Variants in CNOT6L observed in about 807,000 individuals in gnomAD.
The protein encoded by CNOT6L is CCR4-NOT transcription complex subunit 6 like.
In CNOT6L, 7 loss-of-function variants were observed where a neutral mutation model predicts 64.0. The ratio of observed to expected loss-of-function variants is 0.11; its 90% CI spans 0.06 to 0.21. The LOEUF is 0.21. CNOT6L is among the 10% of genes least tolerant of loss of function. The pLI is 1.00. For missense variants in CNOT6L, 245 were observed against 669.0 expected, an observed-to-expected ratio of 0.37 and a Z score of 6.99; for synonymous variants, 193 against 243.4, an observed-to-expected ratio of 0.79 and a Z score of 1.93.
At chr4:77,729,678 T>C (rs1722227037) in intron 9 of CNOT6L, among the ~76,000 whole-genome samples, 2 of 152,250 alleles carry the variant, frequency 1.3e-5, no homozygotes, top group East Asian at 1.9e-4. Flanking sequence ...AATTATTTTA[T>C]GTAGTTTTGG....
upstream of CNOT6L, chr4:77,819,426 C>G (rs1734047165): frequency 1.9e-6 from 3 of 1,591,868 alleles, no homozygotes; most frequent in East Asian, 6.8e-5. Context: ...TCCAGAGCCG[C>G]GGCCGCAGAC....
chr4:77,819,375 ACGCGCGCGCGCG>A (rs747058020), upstream of CNOT6L: 1 of 1,569,374 alleles, frequency 6.4e-7, no homozygotes, highest in Non-Finnish European at 8.7e-7. Flanking sequence ...ACACACAAAC[ACGCGCGCGCGCG>A]CGCACCAGGC....
chr4:77,726,420 A>AT, intron 10 of CNOT6L, 51 bp from the exon 11 acceptor site: 9 of 1,409,358 alleles, frequency 6.4e-6, no homozygotes, highest in Non-Finnish European at 8.8e-6. Flanking sequence ...ACCTTACACA[A>AT]GGCTTCACAG....
At chr4:77,800,048 A>G (rs1187848912) in intron 1 of CNOT6L, among the ~76,000 whole-genome samples, 1 of 144,928 alleles carries the variant, frequency 6.9e-6, no homozygotes, top group African/African-American at 2.6e-5. Context: ...CATAAAACTA[A>G]GCATGTTATA....
chr4:77,789,577 T>C (rs969367353), intron 1 of CNOT6L, among the ~76,000 whole-genome samples: 1 of 151,282 alleles, frequency 6.6e-6, no homozygotes, highest in Non-Finnish European at 1.5e-5. Flanking sequence ...GGAAGATTCC[T>C]TGAGCCCAGG....
Position 77,714,846 on chromosome 4 carries a change from ATACTGCATCACT to A in CNOT6L, c.*5573_*5584del, listed in dbSNP as rs1720576334. ...AGTTTCTAAGTAAATACAGACCCAGATACTGCATCACTTACTGCATCAAGATTGAAACAAGCA... is the reference window on the plus strand; with the variant it reads ...AGTTTCTAAGTAAATACAGACCCAGATACTGCATCAAGATTGAAACAAGCA... On this transcript the variant is annotated 3_prime_UTR_variant, in exon 12 of 12. Coordinates refer to ENST00000504123, the MANE Select transcript of CNOT6L (RefSeq NM_144571.3). 2 of 152,586 alleles carry A rather than the reference ATACTGCATCACT, an allele frequency of 1.3e-5. No homozygotes were observed. Among genetic ancestry groups the A allele is most frequent in the Admixed American group, 6.6e-5 (1 of 15,256 alleles). 9.5% of individuals were successfully genotyped at this position (152,586 alleles called of 1,614,324 possible).
chr4:77,775,819 A>G (rs754248666), intron 2 of CNOT6L, among the ~76,000 whole-genome samples: 21 of 152,296 alleles, frequency 1.4e-4, no homozygotes, highest in African/African-American at 4.8e-4. Flanking sequence ...GACTGGAATT[A>G]TGAGTTTTTA....
rs368900394 is a variant in CNOT6L, at chr4:77,819,074, A to ACACACC, written c.5+229_5+230insGGTGTG. On this transcript the variant is annotated intron_variant, in intron 1 of 11. Transcript: ENST00000504123. Reference sequence around the variant, plus strand: ...GACACACACACACACACACACACACACCCCGGAACCTTCGCCCGCCTCTGA... The same window carrying ACACACC: ...GACACACACACACACACACACACACACACACCCCCCGGAACCTTCGCCCGCCTCTGA... 1.7e-4 allele frequency: 121 copies of ACACACC among 720,372 alleles called. No individual in the cohort carries two copies. The Middle Eastern group carries it at 3.9e-3, about 23-fold the overall frequency. 44.6% of individuals were successfully genotyped at this position (720,372 alleles called of 1,614,324 possible).
chr4:77,747,558 A>G (rs1460376116), intron 6 of CNOT6L, among the ~76,000 whole-genome samples: 1 of 151,252 alleles, frequency 6.6e-6, no homozygotes, highest in Admixed American at 6.6e-5. Context: ...ATGAAATTAG[A>G]TATCATGAAA....
intron 7 of CNOT6L, among the ~76,000 whole-genome samples, chr4:77,743,711 C>A (rs1723869914): frequency 6.8e-6 from 1 of 146,924 alleles, no homozygotes; most frequent in Non-Finnish European, 1.5e-5. Context: ...AAGCAATTCT[C>A]ATGCCTCAGG....
At chr4:77,785,222 T>C (rs1485146287) in intron 1 of CNOT6L, among the ~76,000 whole-genome samples, 1 of 152,126 alleles carries the variant, frequency 6.6e-6, no homozygotes, top group Non-Finnish European at 1.5e-5. Context: ...TATATCCATA[T>C]GGAAAAATAA....
intron 8 of CNOT6L, among the ~76,000 whole-genome samples, chr4:77,733,079 A>G (rs1327473329): frequency 2.0e-5 from 3 of 152,098 alleles, no homozygotes; most frequent in African/African-American, 4.8e-5. Flanking sequence ...TCTTCAAACA[A>G]TTTTAAGCTG....
chr4:77,817,507 GT>G (rs1733708136), intron 1 of CNOT6L, among the ~76,000 whole-genome samples: 1 of 152,132 alleles, frequency 6.6e-6, no homozygotes, highest in African/African-American at 2.4e-5. Flanking sequence ...CCAAACATAT[GT>G]TTTCTCATTC....
chr4:77,772,695 G>A (rs547175892), intron 4 of CNOT6L, among the ~76,000 whole-genome samples: 5 of 152,194 alleles, frequency 3.3e-5, no homozygotes, highest in Admixed American at 2.6e-4. Flanking sequence ...GGCCGAGGCC[G>A]GCGGATCACG....
Position 77,718,276 on chromosome 4 carries a change from A to T in CNOT6L, c.*2155T>A, listed in dbSNP as rs1442784456. ...CATATACCTCCAGAGCAGAAAACCC[A>T]CCCAAAACAAAAGATCTAAAATAAA... On this transcript the variant is annotated 3_prime_UTR_variant, in exon 12 of 12. Transcript: ENST00000504123. 1 of 152,538 alleles carries T rather than the reference A, an allele frequency of 6.6e-6. No homozygotes were observed. The highest frequency in any genetic ancestry group is 1.5e-5 in the Non-Finnish European group (1 of 68,018). The allele number at this position is 152,538 out of a possible 1,614,324, so 9.4% of individuals were successfully genotyped here. A position where few individuals can be genotyped will look rare whatever the true frequency, so the allele number is the denominator to read the frequency against.
At chr4:77,761,806 A>T (rs999841033) in intron 4 of CNOT6L, among the ~76,000 whole-genome samples, 1 of 152,172 alleles carries the variant, frequency 6.6e-6, no homozygotes, top group Non-Finnish European at 1.5e-5. Flanking sequence ...TTAAAAATAC[A>T]TATCAGAAAG....
chr4:77,754,915 C>T (rs562462464), intron 5 of CNOT6L, among the ~76,000 whole-genome samples: 141 of 20,504 alleles, frequency 6.9e-3, no homozygotes, highest in African/African-American at 0.014. Context: ...AAAAAAAAAC[C>T]GGTTTCTAGA....
chr4:77,819,350 C>T lies in CNOT6L; in HGVS notation c.-42G>A. ...AGAAGCAACAGCAGCCATTTCCCCG[C>T]GGCAGGGGAAACACACACACAAACA... is the stretch of plus-strand genomic sequence containing the variant. On this transcript the variant is annotated 5_prime_UTR_variant, in exon 1 of 12. Transcript: ENST00000504123. 1 of 1,612,972 alleles carries T rather than the reference C, an allele frequency of 6.2e-7. No homozygotes were observed. The highest frequency in any genetic ancestry group is 8.5e-7 in the Non-Finnish European group (1 of 1,179,416).
At chr4:77,792,872 T>C (rs893682218) in intron 1 of CNOT6L, among the ~76,000 whole-genome samples, 6 of 151,650 alleles carry the variant, frequency 4.0e-5, no homozygotes, top group Admixed American at 1.3e-4. Flanking sequence ...CTCGACCAGA[T>C]GTGATTCTGC....
Sources: gnomAD v4.1 joint callset for allele counts (sites outside exome capture counted in the v4.1 genomes callset) on GRCh38, gnomAD v4.1.1 for gene constraint, MANE v1.5 for transcripts, NCBI Gene and HGNC (gene_info 2026-07-23, HGNC 2026-07-21) for gene names.